Variants in LPGAT1 observed in about 807,000 individuals in gnomAD.
The protein encoded by LPGAT1 is acyl-CoA:lysophosphatidylglycerol acyltransferase 1.
LPGAT1 carries 11 observed loss-of-function variants against 47.5 expected under a neutral mutation model. That is an observed-to-expected ratio of 0.23 (90% CI 0.15 to 0.38). The LOEUF (loss-of-function observed/expected upper bound fraction) is 0.38, where lower values mean the gene tolerates loss of function less well. Among genes scored for constraint, LPGAT1 ranks in the 10% least tolerant of loss-of-function variants. The pLI is 1.00. For missense variants in LPGAT1, 293 were observed against 439.0 expected (o/e 0.67, Z 2.97); for synonymous variants, 138 against 144.2 (o/e 0.96, Z 0.31).
intron 2 of LPGAT1, among the ~76,000 whole-genome samples, chr1:211,801,681 C>G (rs1659579095): frequency 6.8e-6 from 1 of 146,740 alleles, no homozygotes; most frequent in Non-Finnish European, 1.5e-5. Context: ...GCACTCCAGC[C>G]TGGGAGACAG....
At chr1:211,786,526 C>T (rs552228194) in intron 4 of LPGAT1, among the ~76,000 whole-genome samples, 1 of 152,150 alleles carries the variant, frequency 6.6e-6, no homozygotes, top group Non-Finnish European at 1.5e-5. Context: ...ATACTAGTAA[C>T]AAGTCAAGAA....
chr1:211,750,570 C>A (rs548559046), intron 7 of LPGAT1, among the ~76,000 whole-genome samples: 1 of 152,098 alleles, frequency 6.6e-6, no homozygotes, highest in Non-Finnish European at 1.5e-5. Context: ...ATGCTGATTC[C>A]TCTATTTACA....
rs754071221 is a variant in LPGAT1, at chr1:211,829,128, T to C, written c.169A>G (p.Ile57Val). The C allele has an allele frequency of 1.2e-6, 2 of 1,614,166 alleles. No homozygotes were observed. The highest frequency in any genetic ancestry group is 8.5e-7 in the Non-Finnish European group (1 of 1,180,034). ...AGCCATTTATACATGATTCCTTCGA[T>C]ATACCAGAACCGCTTACTGTCCAGC... ...RVLDSKRFWY[I>V]EGIMYKWLLG... The change falls in exon 2 of 8, where the codon ATC becomes GTC. Residue 57 changes from isoleucine to valine, a missense_variant. Transcript: ENST00000366997.
rs572653522 is a variant in LPGAT1 at position 211,767,305 on chromosome 1, A to AT, written c.854+11612dup. ...AGGCACATGTCACCATGCCCAGCTAATTTTTTTTTTAGTAGAGATGAGATT... is the reference window on the plus strand; with the variant it reads ...AGGCACATGTCACCATGCCCAGCTAATTTTTTTTTTTAGTAGAGATGAGATT... On this transcript the variant is annotated intron_variant, in intron 6 of 7. Coordinates refer to ENST00000366997, the MANE Select transcript of LPGAT1 (RefSeq NM_014873.3). Among the ~76,000 whole-genome samples the AT allele has an allele frequency of 2.6e-4, 39 of 149,294 alleles. No individual in the cohort carries two copies. In the East Asian group the frequency reaches 3.1e-3, roughly 12 times the overall value.
intron 6 of LPGAT1, among the ~76,000 whole-genome samples, chr1:211,759,106 TA>T (rs1657583264): frequency 6.6e-6 from 1 of 152,222 alleles, no homozygotes; most frequent in Non-Finnish European, 1.5e-5. Context: ...CTTGCATCTA[TA>T]ACCATGTAAG....
intron 6 of LPGAT1, among the ~76,000 whole-genome samples, chr1:211,778,111 C>T (rs186611609): frequency 2.6e-5 from 4 of 152,056 alleles, no homozygotes; most frequent in Admixed American, 1.3e-4. Flanking sequence ...GGGAGGCCGA[C>T]GCAGGCGGAT....
intron 2 of LPGAT1, among the ~76,000 whole-genome samples, chr1:211,805,654 G>A (rs1172666945): frequency 6.6e-6 from 1 of 152,134 alleles, no homozygotes; most frequent in Non-Finnish European, 1.5e-5. Context: ...TGATTTTATA[G>A]TTAAAAACCT....
At chr1:211,768,366 T>C (rs1332057627) in intron 6 of LPGAT1, among the ~76,000 whole-genome samples, 2 of 152,228 alleles carry the variant, frequency 1.3e-5, no homozygotes, top group African/African-American at 4.8e-5. Context: ...TACATGCATA[T>C]TGTAAAAAAC....
At chr1:211,828,736 C>T in intron 2 of LPGAT1, among the ~76,000 whole-genome samples, 1 of 152,200 alleles carries the variant, frequency 6.6e-6, no homozygotes, top group Middle Eastern at 3.2e-3. Context: ...AAATATCTTA[C>T]ATCTTCACTT....
chr1:211,787,607 C>CG (rs762358820), intron 4 of LPGAT1, 25 bp downstream of exon 4: 51 of 1,286,724 alleles, frequency 4.0e-5, no homozygotes, highest in Middle Eastern at 1.9e-4. Context: ...GCTATCACTG[C>CG]GGGGAAAAAG....
At chr1:211,762,158 T>G (rs978334670) in intron 6 of LPGAT1, among the ~76,000 whole-genome samples, 1 of 152,180 alleles carries the variant, frequency 6.6e-6, no homozygotes, top group African/African-American at 2.4e-5. Flanking sequence ...AAAAGAGATC[T>G]CAAAATAGTA....
rs1427187321 is a variant in LPGAT1 at position 211,794,876 on chromosome 1, A to T, written c.239-1686T>A. 2.6e-5 allele frequency among the ~76,000 whole-genome samples: 4 copies of T among 152,204 alleles called. No individual in the cohort carries two copies. In the East Asian group the frequency reaches 7.7e-4, roughly 29 times the overall value. ...AATAAATGCACAAACCTTTTTACCT[A>T]GGAATTCTACTTCTAGAAATGCATC... On this transcript the variant is annotated intron_variant, in intron 2 of 7. Transcript: ENST00000366997.
Position 211,830,544 on chromosome 1 carries a change from G to T in LPGAT1, c.-28+29C>A. 8.3e-7 allele frequency: 1 copy of T among 1,206,394 alleles called. No homozygotes were observed. Among genetic ancestry groups the T allele is most frequent in the South Asian group, 4.1e-5 (1 of 24,122 alleles). The allele number at this position is 1,206,394 out of a possible 1,614,324, so 74.7% of individuals were successfully genotyped here. ...CTGGCCCGGCTCCGCTGCCGCTCTG[G>T]GGCCTGCGACCGCGGAGCCGGAGGT... On this transcript the variant is annotated intron_variant, in intron 1 of 7. Coordinates refer to ENST00000366997, the MANE Select transcript of LPGAT1 (RefSeq NM_014873.3). The surrounding 1 kb of genome is among the most constrained non-coding windows in gnomAD (Gnocchi z 5.9).
chr1:211,755,565 AAAG>A (rs1157652254), intron 6 of LPGAT1, among the ~76,000 whole-genome samples: 12 of 151,904 alleles, frequency 7.9e-5, no homozygotes, highest in Admixed American at 7.9e-4. Context: ...AAAATAGAGG[AAAG>A]AAGGAAGGAG....
chr1:211,787,658 C>T lies in LPGAT1; in HGVS notation c.427G>A (p.Val143Ile). Reference sequence around the variant, plus strand: ...TGTCTTATAAAGAAGTCTCCATGAACTAGAGAAACAATTCCAAAGTTTGTG... The same window carrying T: ...TGTCTTATAAAGAAGTCTCCATGAATTAGAGAAACAATTCCAAAGTTTGTG... ...KYTNFGIVSL[V>I]HGDFFIRQGR... is the part of the protein sequence containing the mutation. The change falls in exon 4 of 8, where the codon GTT becomes ATT. Residue 143 changes from valine to isoleucine, a missense_variant. Physicochemically the swap from Val to Ile is conservative, Grantham distance 29. Coordinates refer to ENST00000366997, the MANE Select transcript of LPGAT1 (RefSeq NM_014873.3). 1 of 1,605,266 alleles carries T rather than the reference C, an allele frequency of 6.2e-7. No homozygotes were observed.
chr1:211,774,554 G>A (rs1396362317), intron 6 of LPGAT1, among the ~76,000 whole-genome samples: 1 of 152,156 alleles, frequency 6.6e-6, no homozygotes, highest in East Asian at 1.9e-4. Context: ...CAAATTTTCT[G>A]AGGAATATGC....
intron 5 of LPGAT1, among the ~76,000 whole-genome samples, chr1:211,782,389 C>T (rs1159802346): frequency 6.6e-6 from 1 of 152,154 alleles, no homozygotes; most frequent in Non-Finnish European, 1.5e-5. Context: ...CATTTATTAA[C>T]ACTTAATGCT....
intron 6 of LPGAT1, among the ~76,000 whole-genome samples, chr1:211,756,840 A>G (rs1657476670): frequency 6.7e-6 from 1 of 148,906 alleles, no homozygotes; most frequent in Non-Finnish European, 1.5e-5. Context: ...ATTCCCTTCT[A>G]CAACAGTGTT....
In LPGAT1 at chr1:211,765,555, A is replaced by G. The variant is rs189852813; in HGVS notation, c.854+13363T>C. Among the ~76,000 whole-genome samples, 406 of 152,332 alleles carry G rather than the reference A, an allele frequency of 2.7e-3. 1 individual carries two copies. Among genetic ancestry groups the G allele is most frequent in the South Asian group, 4.1e-3 (20 of 4,830 alleles). ...ATTAGAAAATAAGAGGTATTTTTGG[A>G]ATAACAATGGCACTTTGCTAGACCT... On this transcript the variant is annotated intron_variant, in intron 6 of 7. Coordinates refer to ENST00000366997, the MANE Select transcript of LPGAT1 (RefSeq NM_014873.3).
Sources: allele counts gnomAD v4.1 joint callset (sites outside exome capture counted in the v4.1 genomes callset), GRCh38; gene constraint gnomAD v4.1.1; non-coding constraint Gnocchi (gnomAD v3.1); transcripts MANE v1.5; gene names NCBI Gene and HGNC (gene_info 2026-07-23, HGNC 2026-07-21).